AKAP6: variants seen among roughly 807,000 people sequenced by gnomAD.
AKAP6 encodes A-kinase anchoring protein 6.
Under a neutral mutation model 188.5 loss-of-function variants are expected in AKAP6, and 58 were observed. That is an observed-to-expected ratio of 0.31 (90% CI 0.25 to 0.38). The LOEUF (loss-of-function observed/expected upper bound fraction) is 0.38. Ranked by LOEUF, AKAP6 falls within the 10% of genes least tolerant of loss-of-function variation. AKAP6 has a pLI of 1.00. For missense variants in AKAP6, 2,710 were observed against 2,740.0 expected (o/e 0.99, Z 0.24); for synonymous variants, 989 against 998.6 (o/e 0.99, Z 0.18).
rs188444583 is a variant in AKAP6 at position 32,737,754 on chromosome 14, A to G, written c.3372+1872A>G. Among the ~76,000 whole-genome samples the G allele has an allele frequency of 2.9e-3, 444 of 152,266 alleles. 3 individuals are homozygous for G. Among genetic ancestry groups the G allele is most frequent in the South Asian group, 5.0e-3 (24 of 4,816 alleles). ...TAACATAACTGAAGTCCTTTATATG[A>G]CACTAAGAGTAATGACAGATAAACT... On this transcript the variant is annotated intron_variant, in intron 11 of 13. Coordinates refer to ENST00000280979, the MANE Select transcript of AKAP6 (RefSeq NM_004274.5).
intron 7 of AKAP6, among the ~76,000 whole-genome samples, chr14:32,629,204 G>C (rs961680242): frequency 6.6e-6 from 1 of 151,940 alleles, no homozygotes; most frequent in African/African-American, 2.4e-5. Context: ...ATGAAGATTC[G>C]CTGTTAAGTT....
intron 1 of AKAP6, among the ~76,000 whole-genome samples, chr14:32,361,732 T>C (rs58625904): frequency 0.16 from 23,904 of 152,180 alleles, 2,100 homozygotes; most frequent in East Asian, 0.37. Context: ...CAGAGCTCAC[T>C]TGGGCTACAG....
At chr14:32,342,390 C>T (rs370454983) in intron 1 of AKAP6, among the ~76,000 whole-genome samples, 29 of 152,300 alleles carry the variant, frequency 1.9e-4, no homozygotes, top group African/African-American at 6.5e-4. Context: ...TCTACCCTCA[C>T]CTAAGTCCTG....
At chr14:32,478,459 T>G (rs1879181363) in intron 2 of AKAP6, among the ~76,000 whole-genome samples, 2 of 152,128 alleles carry the variant, frequency 1.3e-5, no homozygotes. Context: ...ACTAACAGCC[T>G]GTGGGTGACA....
At chr14:32,342,333 G>T (rs773855614) in intron 1 of AKAP6, among the ~76,000 whole-genome samples, 7 of 152,086 alleles carry the variant, frequency 4.6e-5, no homozygotes, top group Non-Finnish European at 1.0e-4. Flanking sequence ...TTCAGTCCCT[G>T]CCCTTAGGGT....
At chr14:32,744,552 G>A (rs183660526) in intron 11 of AKAP6, among the ~76,000 whole-genome samples, 245 of 152,148 alleles carry the variant, frequency 1.6e-3, no homozygotes, top group African/African-American at 5.6e-3. Context: ...TCCTGACCTC[G>A]TGATCTGCCC....
intron 2 of AKAP6, among the ~76,000 whole-genome samples, chr14:32,503,009 G>A (rs1880681326): frequency 6.6e-6 from 1 of 152,022 alleles, no homozygotes; most frequent in South Asian, 2.1e-4. Context: ...TAATAGAAAT[G>A]GCCAAACTGC....
At chr14:32,449,653 A>C (rs11627215) in intron 2 of AKAP6, among the ~76,000 whole-genome samples, 12,261 of 152,266 alleles carry the variant, frequency 0.081, 652 homozygotes, top group South Asian at 0.22. Flanking sequence ...CTGCCAATCA[A>C]CTGCCAGTTT....
chr14:32,504,954 A>G (rs1306686094), intron 2 of AKAP6, among the ~76,000 whole-genome samples: 2 of 152,212 alleles, frequency 1.3e-5, no homozygotes, highest in African/African-American at 4.8e-5. Context: ...AACAGAACCA[A>G]TTGATGGCTT....
chr14:32,451,288 T>C (rs1453400682), intron 2 of AKAP6, among the ~76,000 whole-genome samples: 1 of 152,208 alleles, frequency 6.6e-6, no homozygotes, highest in Admixed American at 6.5e-5. Context: ...ACTTAGTGAG[T>C]TGAATAATTT....
At chr14:32,440,054 A>G (rs529855904) in intron 2 of AKAP6, among the ~76,000 whole-genome samples, 24 of 152,252 alleles carry the variant, frequency 1.6e-4, no homozygotes, top group Non-Finnish European at 2.9e-4. Context: ...CTAAACAATG[A>G]ATTAGAAAAG....
intron 1 of AKAP6, among the ~76,000 whole-genome samples, chr14:32,394,769 G>A (rs1184030659): frequency 6.6e-6 from 1 of 152,046 alleles, no homozygotes; most frequent in Non-Finnish European, 1.5e-5. Context: ...GTGATTTTTG[G>A]TTATATCATT....
At chr14:32,756,062 C>T (rs1566689318) in intron 11 of AKAP6, among the ~76,000 whole-genome samples, 1 of 152,168 alleles carries the variant, frequency 6.6e-6, no homozygotes, top group Non-Finnish European at 1.5e-5. Flanking sequence ...CCAGGCTGGC[C>T]TGCTACCTGG....
intron 1 of AKAP6, among the ~76,000 whole-genome samples, chr14:32,377,974 G>A (rs1888213878): frequency 6.6e-6 from 1 of 152,098 alleles, no homozygotes; most frequent in African/African-American, 2.4e-5. Context: ...AGTAGACATG[G>A]TGAATACTTA....
At chr14:32,635,051 CAG>C (rs1278781060) in intron 7 of AKAP6, among the ~76,000 whole-genome samples, 3 of 151,902 alleles carry the variant, frequency 2.0e-5, no homozygotes, top group Non-Finnish European at 4.4e-5. Flanking sequence ...TGAGTTTAAT[CAG>C]GGGAATTTTG....
intron 7 of AKAP6, among the ~76,000 whole-genome samples, chr14:32,669,103 G>A (rs1889069514): frequency 6.6e-6 from 1 of 152,030 alleles, no homozygotes. Flanking sequence ...GTGATTCTAG[G>A]TTATACATTC....
At chr14:32,346,565 G>A (rs562012132) in intron 1 of AKAP6, among the ~76,000 whole-genome samples, 2 of 152,194 alleles carry the variant, frequency 1.3e-5, no homozygotes, top group Non-Finnish European at 2.9e-5. Flanking sequence ...CCGAACTGCG[G>A]TGGTGCTATC....
chr14:32,528,995 G>A (rs1380562940), intron 2 of AKAP6, among the ~76,000 whole-genome samples: 1 of 152,078 alleles, frequency 6.6e-6, no homozygotes. Flanking sequence ...ATAAACTTTA[G>A]AATCAGTTTG....
At chr14:32,342,820 A>C (rs1428598909) in intron 1 of AKAP6, among the ~76,000 whole-genome samples, 1 of 152,170 alleles carries the variant, frequency 6.6e-6, no homozygotes, top group Non-Finnish European at 1.5e-5. Flanking sequence ...GAATTCTCCA[A>C]ATTGATATGT....
Sources: gnomAD v4.1 joint callset for allele counts (sites outside exome capture counted in the v4.1 genomes callset) on GRCh38, gnomAD v4.1.1 for gene constraint, MANE v1.5 for transcripts, NCBI Gene and HGNC (gene_info 2026-07-23, HGNC 2026-07-21) for gene names.